Variants in GRIN2A observed in about 807,000 individuals in gnomAD.
GRIN2A encodes glutamate receptor ionotropic, NMDA 2A.
A neutral mutation model predicts 113.4 loss-of-function variants in GRIN2A; 22 were observed. That is an observed-to-expected ratio of 0.19 (90% CI 0.14 to 0.28). The LOEUF (loss-of-function observed/expected upper bound fraction) is 0.28. GRIN2A is among the 10% of genes least tolerant of loss of function. The probability of loss-of-function intolerance (pLI) is 1.00; values close to 1 mark genes in which losing one functional copy is unlikely to be tolerated. For missense variants in GRIN2A, 1,502 were observed against 1,887.0 expected (o/e 0.80, Z 3.78); for synonymous variants, 827 against 738.4 (o/e 1.12, Z -1.94).
At chr16:10,016,956 C>T (rs1009244497) in intron 2 of GRIN2A, among the ~76,000 whole-genome samples, 2 of 152,316 alleles carry the variant, frequency 1.3e-5, no homozygotes, top group Middle Eastern at 3.4e-3. Flanking sequence ...GAAAATGGCC[C>T]CAGGCCACTG....
At chr16:9,936,356 T>C (rs2044713788) in intron 3 of GRIN2A, among the ~76,000 whole-genome samples, 1 of 152,158 alleles carries the variant, frequency 6.6e-6, no homozygotes, top group African/African-American at 2.4e-5. Flanking sequence ...TTATCATCAC[T>C]TTGCAATAAA....
intron 2 of GRIN2A, among the ~76,000 whole-genome samples, chr16:10,009,070 C>T (rs757149296): frequency 6.6e-6 from 1 of 152,064 alleles, no homozygotes; most frequent in Admixed American, 6.6e-5. Flanking sequence ...GATAAAGTCC[C>T]GTATTTATGC....
At chr16:9,986,958 A>G (rs992948663) in intron 2 of GRIN2A, among the ~76,000 whole-genome samples, 1 of 152,072 alleles carries the variant, frequency 6.6e-6, no homozygotes, top group African/African-American at 2.4e-5. Flanking sequence ...TTCAGTGTGC[A>G]TATACCCGAG....
At chr16:9,928,472 C>T (rs924614760) in intron 3 of GRIN2A, among the ~76,000 whole-genome samples, 2 of 152,122 alleles carry the variant, frequency 1.3e-5, no homozygotes, top group African/African-American at 4.8e-5. Context: ...TCTTTTTGTA[C>T]AATATCAGAT....
chr16:10,180,514 G>T lies in GRIN2A; in HGVS notation c.-18-85C>A. 12 of 1,532,726 alleles carry T rather than the reference G, an allele frequency of 7.8e-6. No individual in the cohort carries two copies. Among genetic ancestry groups the T allele is most frequent in the Non-Finnish European group, 1.0e-5 (12 of 1,145,464 alleles). The allele number at this position is 1,532,726 out of a possible 1,614,324, so 94.9% of individuals were successfully genotyped here. On this transcript the variant is annotated intron_variant, in intron 1 of 12. Coordinates refer to ENST00000330684, the MANE Select transcript of GRIN2A (RefSeq NM_001134407.3). The surrounding 1 kb of genome is among the most constrained non-coding windows in gnomAD (Gnocchi z 7.0). ...TTACCAACTTGGCTTCCTGCTCTAGGAGCCAGGCATGGAACTCAGCAGCAG... is the reference window on the plus strand; with the variant it reads ...TTACCAACTTGGCTTCCTGCTCTAGTAGCCAGGCATGGAACTCAGCAGCAG...
At chr16:10,128,965 C>T (rs1338585013) in intron 2 of GRIN2A, among the ~76,000 whole-genome samples, 1 of 152,222 alleles carries the variant, frequency 6.6e-6, no homozygotes, top group Non-Finnish European at 1.5e-5. Context: ...TGTGTCTGTG[C>T]ATACCTGAGC....
chr16:10,114,016 A>T (rs997673007), intron 2 of GRIN2A, among the ~76,000 whole-genome samples: 1 of 147,930 alleles, frequency 6.8e-6, no homozygotes, highest in African/African-American at 2.5e-5. Flanking sequence ...CCTCGTTCTT[A>T]AAAAAAAAAG....
chr16:9,882,522 C>G (rs2043501621), intron 4 of GRIN2A, among the ~76,000 whole-genome samples: 1 of 152,188 alleles, frequency 6.6e-6, no homozygotes, highest in Admixed American at 6.5e-5. Flanking sequence ...TGCGGTGCCT[C>G]ATGCCTGTAA....
intron 2 of GRIN2A, among the ~76,000 whole-genome samples, chr16:10,074,985 A>G (rs529960990): frequency 1.0e-3 from 155 of 152,276 alleles, no homozygotes; most frequent in Non-Finnish European, 1.6e-3. Flanking sequence ...TTCTGGCTCA[A>G]TCCTTCAAAG....
chr16:10,019,217 C>A (rs187424679), intron 2 of GRIN2A, among the ~76,000 whole-genome samples: 2 of 152,018 alleles, frequency 1.3e-5, no homozygotes, highest in Non-Finnish European at 1.5e-5. Flanking sequence ...TCATGTGTGG[C>A]GAGTATAAGG....
intron 2 of GRIN2A, among the ~76,000 whole-genome samples, chr16:10,049,449 C>T (rs552461401): frequency 1.3e-5 from 2 of 152,102 alleles, no homozygotes; most frequent in East Asian, 1.9e-4. Flanking sequence ...GCGATCTCGG[C>T]TCACTGTAAC....
chr16:10,182,296 G>A lies in GRIN2A; in HGVS notation c.-438C>T, dbSNP rs2050287501. The A allele has an allele frequency of 6.6e-6, 1 of 152,244 alleles. No homozygotes were observed. Among genetic ancestry groups the A allele is most frequent in the Admixed American group, 6.5e-5 (1 of 15,280 alleles). 9.4% of individuals were successfully genotyped at this position (152,244 alleles called of 1,614,324 possible). A position where few individuals can be genotyped will look rare whatever the true frequency, so the allele number is the denominator to read the frequency against. On this transcript the variant is annotated 5_prime_UTR_variant, in exon 1 of 13. Transcript: ENST00000330684. ...CACTCCAGGGTGCACAGGAGAATGGGAGCCCCAGGTTGGCCACCCACGAGA... is the reference window on the plus strand; with the variant it reads ...CACTCCAGGGTGCACAGGAGAATGGAAGCCCCAGGTTGGCCACCCACGAGA...
At chr16:9,890,418 A>AT (rs1436556022) in intron 4 of GRIN2A, among the ~76,000 whole-genome samples, 2 of 152,254 alleles carry the variant, frequency 1.3e-5, no homozygotes, top group East Asian at 1.9e-4. Context: ...TAAGATGATG[A>AT]TTTTTTTCTT....
intron 2 of GRIN2A, among the ~76,000 whole-genome samples, chr16:9,971,131 C>T (rs1217617265): frequency 6.6e-6 from 1 of 152,130 alleles, no homozygotes; most frequent in Admixed American, 6.5e-5. Flanking sequence ...TTAAGGATGC[C>T]CACACTGTTT....
At chr16:9,831,762 C>T (rs2042500546) in intron 8 of GRIN2A, among the ~76,000 whole-genome samples, 2 of 150,924 alleles carry the variant, frequency 1.3e-5, no homozygotes, top group African/African-American at 4.9e-5. Context: ...GTGATCTGCC[C>T]ACCTCAGCCT....
chr16:9,991,953 G>A (rs543011559), intron 2 of GRIN2A, among the ~76,000 whole-genome samples: 213 of 152,220 alleles, frequency 1.4e-3, no homozygotes, highest in African/African-American at 4.9e-3. Flanking sequence ...TAATGCATGC[G>A]GGGCTTAAAA....
intron 2 of GRIN2A, among the ~76,000 whole-genome samples, chr16:10,002,804 G>C (rs1337809689): frequency 6.6e-6 from 1 of 152,160 alleles, no homozygotes; most frequent in Non-Finnish European, 1.5e-5. Context: ...TATTTTAACA[G>C]TTGGTAAACC....
At chr16:10,021,910 A>G (rs949098996) in intron 2 of GRIN2A, among the ~76,000 whole-genome samples, 1 of 152,112 alleles carries the variant, frequency 6.6e-6, no homozygotes, top group African/African-American at 2.4e-5. Context: ...GATGGGGATC[A>G]TCATGCTGTG....
chr16:10,153,777 G>A (rs997383538), intron 2 of GRIN2A, among the ~76,000 whole-genome samples: 11 of 152,220 alleles, frequency 7.2e-5, no homozygotes, highest in African/African-American at 2.4e-4. Context: ...CCTGCCACTT[G>A]GACAACTGAG....
Sources: allele counts gnomAD v4.1 joint callset (sites outside exome capture counted in the v4.1 genomes callset), GRCh38; gene constraint gnomAD v4.1.1; non-coding constraint Gnocchi (gnomAD v3.1); transcripts MANE v1.5; gene names NCBI Gene and HGNC (gene_info 2026-07-23, HGNC 2026-07-21).